SLC9C2: variants seen among roughly 807,000 people sequenced by gnomAD.
SLC9C2 encodes solute carrier family 9 member C2 (putative), also known as sodium/hydrogen exchanger 11.
Under a neutral mutation model 140.2 loss-of-function variants are expected in SLC9C2, and 75 were observed. That is an observed-to-expected ratio of 0.53 (90% CI 0.44 to 0.65). The LOEUF (loss-of-function observed/expected upper bound fraction) is 0.65, where lower values mean the gene tolerates loss of function less well. SLC9C2 is among the 30% of genes least tolerant of loss of function. SLC9C2 has a pLI of 0.00. For missense variants in SLC9C2, 1,074 were observed against 1,331.8 expected (o/e 0.81, Z 3.01); for synonymous variants, 375 against 420.9 (o/e 0.89, Z 1.34).
intron 23 of SLC9C2, among the ~76,000 whole-genome samples, chr1:173,513,353 T>C (rs1290936821): frequency 6.6e-6 from 1 of 152,214 alleles, no homozygotes. Context: ...TAATTTTTGG[T>C]CTATTCAGGG....
At chr1:173,587,445 C>T (rs1406523914) in intron 5 of SLC9C2, among the ~76,000 whole-genome samples, 1 of 151,960 alleles carries the variant, frequency 6.6e-6, no homozygotes, top group Non-Finnish European at 1.5e-5. Context: ...GAAAAACTTC[C>T]TTGGAGATTA....
chr1:173,539,239 G>A (rs1204240140), intron 13 of SLC9C2, among the ~76,000 whole-genome samples: 1 of 152,088 alleles, frequency 6.6e-6, no homozygotes, highest in Non-Finnish European at 1.5e-5. Context: ...GCAGGAAGGA[G>A]GTATAGTCAC....
intron 7 of SLC9C2, among the ~76,000 whole-genome samples, chr1:173,580,483 C>T (rs1665459759): frequency 6.6e-6 from 1 of 152,088 alleles, no homozygotes; most frequent in Non-Finnish European, 1.5e-5. Flanking sequence ...TCCCCAGTGG[C>T]TGGAATTACA....
Position 173,583,620 on chromosome 1 carries a change from T to C in SLC9C2, c.526A>G (p.Ile176Val). 2 of 1,497,554 alleles carry C rather than the reference T, an allele frequency of 1.3e-6. No individual in the cohort carries two copies. The highest frequency in any genetic ancestry group is 1.8e-6 in the Non-Finnish European group (2 of 1,100,550). The allele number at this position is 1,497,554 out of a possible 1,614,324, so 92.8% of individuals were successfully genotyped here. A position where few individuals can be genotyped will look rare whatever the true frequency, so the allele number is the denominator to read the frequency against. Residue 176 changes from isoleucine to valine, a missense_variant and splice_region_variant, in exon 6 of 28, where the codon ATT (isoleucine) becomes GTT (valine). By Grantham distance (29) the Ile-to-Val change is conservative. Transcript: ENST00000367714. ...RSVNSLKTIG[I>V]SKIYIDLIRG... is the part of the protein sequence containing the mutation. ...ATGAGATCAATGTATATTTTAGAAA[T>C]GCCTGAAAAAGGAAATACAAAATGT...
chr1:173,594,357 G>A (rs575363554), intron 4 of SLC9C2, among the ~76,000 whole-genome samples: 1 of 152,268 alleles, frequency 6.6e-6, no homozygotes, highest in East Asian at 1.9e-4. Flanking sequence ...AGATAAATAT[G>A]CTAATTACCC....
intron 13 of SLC9C2, among the ~76,000 whole-genome samples, chr1:173,537,423 A>G (rs1376176374): frequency 6.6e-6 from 1 of 152,038 alleles, no homozygotes; most frequent in African/African-American, 2.4e-5. Flanking sequence ...TTAGCCGGGC[A>G]TGATGGCGCA....
intron 13 of SLC9C2, among the ~76,000 whole-genome samples, chr1:173,544,857 T>A (rs2102043590): frequency 6.6e-6 from 1 of 152,168 alleles, no homozygotes; most frequent in South Asian, 2.1e-4. Flanking sequence ...GGGCCTGTCA[T>A]GGGGTAGGGC....
intron 3 of SLC9C2, among the ~76,000 whole-genome samples, chr1:173,598,440 C>G (rs865780080): frequency 6.6e-6 from 1 of 152,156 alleles, no homozygotes; most frequent in Non-Finnish European, 1.5e-5. Flanking sequence ...ACTTGTTTCA[C>G]AAACATTGGC....
Position 173,536,639 on chromosome 1 carries a change from A to G in SLC9C2, c.1655+303T>C, listed in dbSNP as rs556236799. The stretch of plus-strand genomic sequence containing the variant: ...TAATTATAATAGTTATTGAGGTTAT[A>G]TAAGTTCCCTTTCATGGATTCCCGA... On this transcript the variant is annotated intron_variant, in intron 14 of 27. Transcript: ENST00000367714. Among the ~76,000 whole-genome samples, 272 of 152,346 alleles carry G rather than the reference A, an allele frequency of 1.8e-3. 2 individuals carry two copies. The highest frequency in any genetic ancestry group is 3.9e-3 in the Admixed American group (60 of 15,290).
chr1:173,602,075 A>AG (rs1366442907), intron 1 of SLC9C2, among the ~76,000 whole-genome samples: 1 of 152,114 alleles, frequency 6.6e-6, no homozygotes, highest in Non-Finnish European at 1.5e-5. Flanking sequence ...TATATGGGAG[A>AG]GGGGGTGCAT....
intron 20 of SLC9C2, 67 bp downstream of exon 20, chr1:173,524,712 T>G: frequency 1.3e-6 from 2 of 1,556,048 alleles, no homozygotes; most frequent in Non-Finnish European, 1.8e-6. Context: ...ATCTCCCTCC[T>G]TATTACACAC....
intron 21 of SLC9C2, among the ~76,000 whole-genome samples, chr1:173,522,851 C>G (rs1362615600): frequency 6.6e-6 from 1 of 152,176 alleles, no homozygotes; most frequent in Admixed American, 6.5e-5. Flanking sequence ...CCCACTACTC[C>G]CTTTGCCTGG....
At chr1:173,562,313 T>C (rs1254106040) in intron 9 of SLC9C2, among the ~76,000 whole-genome samples, 1 of 152,208 alleles carries the variant, frequency 6.6e-6, no homozygotes, top group African/African-American at 2.4e-5. Context: ...TTTAAAAATA[T>C]CTTTTAATGC....
chr1:173,544,602 C>T (rs1386286538), intron 13 of SLC9C2, among the ~76,000 whole-genome samples: 1 of 152,166 alleles, frequency 6.6e-6, no homozygotes, highest in Non-Finnish European at 1.5e-5. Flanking sequence ...GACTTGGAAC[C>T]AACCCATATG....
At chr1:173,543,789 G>A (rs968322531) in intron 13 of SLC9C2, among the ~76,000 whole-genome samples, 2 of 152,156 alleles carry the variant, frequency 1.3e-5, no homozygotes, top group Admixed American at 6.5e-5. Context: ...TGCTGGGAAA[G>A]CTGGCTAGCC....
intron 11 of SLC9C2, among the ~76,000 whole-genome samples, chr1:173,551,092 ATG>A (rs2102071724): frequency 6.6e-6 from 1 of 152,258 alleles, no homozygotes; most frequent in African/African-American, 2.4e-5. Context: ...AGTTCTAAGA[ATG>A]TGCAGGACTT....
chr1:173,528,677 C>T (rs892372718), intron 18 of SLC9C2, among the ~76,000 whole-genome samples: 1 of 152,098 alleles, frequency 6.6e-6, no homozygotes, highest in Non-Finnish European at 1.5e-5. Context: ...AAATAGGCAC[C>T]GTAACCAGAA....
Position 173,501,145 on chromosome 1 carries a change from G to A in SLC9C2, c.3372-48C>T, listed in dbSNP as rs2101871034. The A allele has an allele frequency of 2.0e-6, 3 of 1,481,380 alleles. No individual in the cohort carries two copies. The East Asian group carries it at 7.5e-5, about 37-fold the overall frequency. 91.8% of individuals were successfully genotyped at this position (1,481,380 alleles called of 1,614,324 possible). A position where few individuals can be genotyped will look rare whatever the true frequency, so the allele number is the denominator to read the frequency against. On this transcript the variant is annotated intron_variant, in intron 27 of 27. Transcript: ENST00000367714. The stretch of plus-strand genomic sequence containing the variant: ...AAATATTAGCCTATAAACATTTCAG[G>A]AAAAACTTCTTACCTATTAAATGGA...
chr1:173,515,951 G>T (rs1660385346), intron 23 of SLC9C2, among the ~76,000 whole-genome samples: 1 of 152,136 alleles, frequency 6.6e-6, no homozygotes. Flanking sequence ...CTGGGGATTT[G>T]CTTCAGGCCC....
Sources: allele counts gnomAD v4.1 joint callset (sites outside exome capture counted in the v4.1 genomes callset), GRCh38; gene constraint gnomAD v4.1.1; transcripts MANE v1.5; gene names NCBI Gene and HGNC (gene_info 2026-07-23, HGNC 2026-07-21).